The following SYT9 variants were observed in gnomAD, a reference collection of about 807,000 sequenced individuals.
SYT9 encodes the protein synaptotagmin-9.
In SYT9, 22 loss-of-function variants were observed where a neutral mutation model predicts 48.4. The observed-to-expected ratio is 0.45, with a 90% CI of 0.32 to 0.65. The LOEUF (loss-of-function observed/expected upper bound fraction) is 0.65, where lower values mean the gene tolerates loss of function less well. Among genes scored for constraint, SYT9 ranks in the 30% least tolerant of loss-of-function variants. The pLI is 0.03. For missense variants in SYT9, 577 were observed against 622.0 expected (o/e 0.93, Z 0.77); for synonymous variants, 265 against 245.0 (o/e 1.08, Z -0.76).
intron 6 of SYT9, chr11:7,454,316 A>G (rs1367251034): frequency 1.0e-6 from 1 of 985,028 alleles, no homozygotes; most frequent in Non-Finnish European, 1.2e-6. Context: ...ATTCCAGATG[A>G]TGCTTACCAT....
chr11:7,243,129 A>C (rs1447480920), intron 1 of SYT9, among the ~76,000 whole-genome samples: 1 of 152,196 alleles, frequency 6.6e-6, no homozygotes, highest in African/African-American at 2.4e-5. Context: ...TGAAAAGTAG[A>C]GAACATAAAA....
At chr11:7,360,352 T>A (rs1589971388) in intron 3 of SYT9, among the ~76,000 whole-genome samples, 1 of 152,154 alleles carries the variant, frequency 6.6e-6, no homozygotes, top group Non-Finnish European at 1.5e-5. Flanking sequence ...TTTGGTTCCA[T>A]AAGAACTTTA....
chr11:7,456,235 C>T (rs545278620), intron 6 of SYT9, among the ~76,000 whole-genome samples: 2 of 152,334 alleles, frequency 1.3e-5, no homozygotes, highest in African/African-American at 4.8e-5. Context: ...TTACTGCAGA[C>T]CTTTTACTAA....
chr11:7,451,368 G>C (rs981962228), intron 6 of SYT9, among the ~76,000 whole-genome samples: 1 of 152,158 alleles, frequency 6.6e-6, no homozygotes. Context: ...ACTAAATGTT[G>C]TATTTGCAAA....
At chr11:7,443,295 T>A (rs1436174452) in intron 6 of SYT9, among the ~76,000 whole-genome samples, 1 of 152,214 alleles carries the variant, frequency 6.6e-6, no homozygotes, top group Non-Finnish European at 1.5e-5. Context: ...GAATTTACAA[T>A]CTGGCTGAGG....
chr11:7,454,342 C>T, intron 6 of SYT9: 1 of 978,850 alleles, frequency 1.0e-6, no homozygotes, highest in South Asian at 4.7e-5. Context: ...CTCTCTGCTG[C>T]ACTCCAGGCT....
intron 6 of SYT9, among the ~76,000 whole-genome samples, chr11:7,434,716 ATGT>A (rs768319438): frequency 1.5e-4 from 23 of 152,122 alleles, no homozygotes; most frequent in Non-Finnish European, 3.2e-4. Context: ...TGAAGGCATG[ATGT>A]TGTCAATATT....
Position 7,313,496 on chromosome 11 carries a change from CAG to C in SYT9, c.602_603del (p.Glu201ValfsTer3). On this transcript the variant is annotated frameshift_variant, in exon 3 of 7. Coordinates refer to ENST00000318881, the MANE Select transcript of SYT9 (RefSeq NM_175733.4). LOFTEE classifies it high-confidence loss of function. ...TTGACTGGAATTGGTAGAATTAAAC[CAG>C]AGTTATATAAGCAGAGGTCATTGGA... The C allele has an allele frequency of 6.2e-7, 1 of 1,614,058 alleles. No individual in the cohort carries two copies. Among genetic ancestry groups the C allele is most frequent in the East Asian group, 2.2e-5 (1 of 44,882 alleles).
At chr11:7,300,547 C>T (rs1483200471) in intron 1 of SYT9, among the ~76,000 whole-genome samples, 2 of 152,356 alleles carry the variant, frequency 1.3e-5, no homozygotes, top group East Asian at 3.9e-4. Context: ...CCTACGGCCT[C>T]CCAGTGTGCC....
intron 6 of SYT9, among the ~76,000 whole-genome samples, chr11:7,432,123 C>T (rs533298692): frequency 1.2e-4 from 18 of 152,320 alleles, no homozygotes; most frequent in African/African-American, 3.6e-4. Flanking sequence ...CCCTAGCTCA[C>T]GAGAGCATCC....
chr11:7,431,112 C>T lies in SYT9; in HGVS notation c.1467+10477C>T, dbSNP rs528051385. On this transcript the variant is annotated intron_variant, in intron 6 of 6. Coordinates refer to ENST00000318881, the MANE Select transcript of SYT9 (RefSeq NM_175733.4). ...TAGGGACTGGTTAAATGGTTGTGACCAATATGCTGATAGTAATATGGACAG... is the reference window on the plus strand; with the variant it reads ...TAGGGACTGGTTAAATGGTTGTGACTAATATGCTGATAGTAATATGGACAG... Among the ~76,000 whole-genome samples the T allele has an allele frequency of 3.9e-5, 6 of 152,250 alleles. No individual in the cohort carries two copies. In the South Asian group the frequency reaches 6.2e-4, roughly 16 times the overall value.
chr11:7,370,463 G>A (rs1381344237), intron 3 of SYT9, among the ~76,000 whole-genome samples: 1 of 152,068 alleles, frequency 6.6e-6, no homozygotes, highest in Non-Finnish European at 1.5e-5. Context: ...CTGTAAATGG[G>A]CATGAAGTTC....
At chr11:7,360,213 C>G (rs1400061652) in intron 3 of SYT9, among the ~76,000 whole-genome samples, 1 of 152,102 alleles carries the variant, frequency 6.6e-6, no homozygotes, top group Non-Finnish European at 1.5e-5. Context: ...TGATCTATGT[C>G]TCTGTTTTGG....
At chr11:7,240,500 A>C (rs975764383) in intron 1 of SYT9, among the ~76,000 whole-genome samples, 1 of 152,230 alleles carries the variant, frequency 6.6e-6, no homozygotes, top group Non-Finnish European at 1.5e-5. Context: ...TAAATGTCAT[A>C]GTAAATGGCT....
intron 1 of SYT9, among the ~76,000 whole-genome samples, chr11:7,241,165 G>A (rs1471838491): frequency 1.3e-5 from 2 of 151,632 alleles, no homozygotes; most frequent in Non-Finnish European, 2.9e-5. Flanking sequence ...CCTAGAAAAA[G>A]AGTTACTCTA....
chr11:7,374,604 T>C (rs1219479485), intron 3 of SYT9, among the ~76,000 whole-genome samples: 1 of 152,214 alleles, frequency 6.6e-6, no homozygotes, highest in African/African-American at 2.4e-5. Flanking sequence ...TTTTTAATGA[T>C]TGCCATTCTA....
At chr11:7,259,826 G>A (rs1848045009) in intron 1 of SYT9, among the ~76,000 whole-genome samples, 1 of 151,956 alleles carries the variant, frequency 6.6e-6, no homozygotes, top group Non-Finnish European at 1.5e-5. Flanking sequence ...TAGTGAATGA[G>A]CTCAGGTTGT....
intron 3 of SYT9, among the ~76,000 whole-genome samples, chr11:7,328,994 G>A (rs1207684413): frequency 6.6e-6 from 1 of 152,102 alleles, no homozygotes. Flanking sequence ...AGACTTCTCT[G>A]AAATTTGATT....
chr11:7,366,349 T>C (rs2134022746), intron 3 of SYT9, among the ~76,000 whole-genome samples: 1 of 152,346 alleles, frequency 6.6e-6, no homozygotes, highest in African/African-American at 2.4e-5. Flanking sequence ...TGAGGATTTT[T>C]TTCAATACTT....
Sources: gnomAD v4.1 joint callset for allele counts (sites outside exome capture counted in the v4.1 genomes callset) on GRCh38, gnomAD v4.1.1 for gene constraint, MANE v1.5 for transcripts, NCBI Gene and HGNC (gene_info 2026-07-23, HGNC 2026-07-21) for gene names.